The following NRXN1 variants were observed in gnomAD, a reference collection of about 807,000 sequenced individuals.
NRXN1 encodes the protein neurexin-1.
NRXN1 carries 39 observed loss-of-function variants against 150.9 expected under a neutral mutation model. The observed-to-expected ratio is 0.26, with a 90% confidence interval of 0.20 to 0.34. The LOEUF (loss-of-function observed/expected upper bound fraction) is 0.34, where lower values mean the gene tolerates loss of function less well. Ranked by LOEUF, NRXN1 falls within the 10% of genes least tolerant of loss-of-function variation. NRXN1 has a pLI of 1.00. For synonymous variants in NRXN1, 924 were observed against 757.0 expected, an observed-to-expected ratio of 1.22 and a Z score of -3.62; for missense variants, 1,815 against 1,949.9, an observed-to-expected ratio of 0.93 and a Z score of 1.30.
chr2:50,596,863 CT>C (rs3053104), intron 8 of NRXN1, among the ~76,000 whole-genome samples: 924 of 92,150 alleles, frequency 0.01, 3 homozygotes, highest in South Asian at 0.043. Flanking sequence ...ATTCCTAGGA[CT>C]TTTTTTTTTT....
intron 9 of NRXN1, among the ~76,000 whole-genome samples, chr2:50,549,889 T>C (rs942053844): frequency 6.6e-6 from 1 of 152,146 alleles, no homozygotes; most frequent in South Asian, 2.1e-4. Flanking sequence ...GTGTGGCATG[T>C]ATGTACATAT....
At chr2:50,541,040 C>T (rs1038417012) in intron 9 of NRXN1, among the ~76,000 whole-genome samples, 8 of 152,092 alleles carry the variant, frequency 5.3e-5, no homozygotes, top group South Asian at 2.1e-4. Flanking sequence ...TCCTAAAAGC[C>T]GTAGAATTTT....
chr2:50,743,114 T>A (rs1421460635), intron 5 of NRXN1, among the ~76,000 whole-genome samples: 1 of 152,202 alleles, frequency 6.6e-6, no homozygotes. Context: ...TAAATATTTT[T>A]AAAGGATTTG....
intron 2 of NRXN1, among the ~76,000 whole-genome samples, chr2:50,961,980 A>G (rs1693269613): frequency 1.3e-5 from 2 of 151,626 alleles, no homozygotes; most frequent in African/African-American, 4.8e-5. Context: ...AAAAAGAAGA[A>G]GAAAAATTTA....
At chr2:50,994,530 T>C (rs1698996460) in intron 2 of NRXN1, among the ~76,000 whole-genome samples, 1 of 151,900 alleles carries the variant, frequency 6.6e-6, no homozygotes, top group South Asian at 2.1e-4. Context: ...AGGATCTAGG[T>C]TTATATCTAG....
rs10522429 is a variant in NRXN1, at chr2:50,408,837, A to ATCTCTCTCTCTCTCTCTCTCTCTCTC, written c.3364+56579_3364+56604dup. Among the ~76,000 whole-genome samples the ATCTCTCTCTCTCTCTCTCTCTCTCTC allele has an allele frequency of 5.6e-4, 76 of 136,630 alleles. 3 individuals carry two copies. Among genetic ancestry groups the ATCTCTCTCTCTCTCTCTCTCTCTCTC allele is most frequent in the Non-Finnish European group, 9.0e-4 (56 of 62,056 alleles). 89.6% of individuals were successfully genotyped at this position (136,630 alleles called of 152,430 possible). A position where few individuals can be genotyped will look rare whatever the true frequency, so the allele number is the denominator to read the frequency against. On this transcript the variant is annotated intron_variant, in intron 17 of 22. Transcript: ENST00000401669. ...TCAAGAGTTGGGTGAATCAATCTCA[A>ATCTCTCTCTCTCTCTCTCTCTCTCTC]TCTCTCTCTCTCTCTCTCTCTCTCT...
At chr2:50,413,459 T>C (rs2083327668) in intron 17 of NRXN1, among the ~76,000 whole-genome samples, 2 of 152,028 alleles carry the variant, frequency 1.3e-5, no homozygotes, top group South Asian at 2.1e-4. Flanking sequence ...ATGGGAGAAA[T>C]GCCAATCAAA....
At chr2:50,683,858 C>T (rs1249697349) in intron 5 of NRXN1, among the ~76,000 whole-genome samples, 6 of 150,352 alleles carry the variant, frequency 4.0e-5, no homozygotes, top group Non-Finnish European at 5.9e-5. Context: ...TAACAAGGTA[C>T]GATGTGTGTA....
intron 8 of NRXN1, among the ~76,000 whole-genome samples, chr2:50,612,955 C>A (rs1678434519): frequency 6.6e-6 from 1 of 152,174 alleles, no homozygotes; most frequent in Non-Finnish European, 1.5e-5. Context: ...AGTACTGACA[C>A]TATTACAGTA....
chr2:50,294,421 AAAT>A (rs1334005175), intron 17 of NRXN1, among the ~76,000 whole-genome samples: 25 of 152,344 alleles, frequency 1.6e-4, no homozygotes, highest in African/African-American at 6.0e-4. Context: ...TCTGTTATAA[AAAT>A]AAAATAAATC....
chr2:50,271,801 T>C (rs926108436), intron 17 of NRXN1, among the ~76,000 whole-genome samples: 1 of 152,178 alleles, frequency 6.6e-6, no homozygotes, highest in Non-Finnish European at 1.5e-5. Flanking sequence ...TAATGGTACT[T>C]TCCTTTTCCT....
At chr2:50,842,101 T>A (rs1320010060) in intron 5 of NRXN1, among the ~76,000 whole-genome samples, 1 of 152,224 alleles carries the variant, frequency 6.6e-6, no homozygotes, top group African/African-American at 2.4e-5. Context: ...GTACCCAGCA[T>A]CTTTCTGGGC....
intron 5 of NRXN1, among the ~76,000 whole-genome samples, chr2:50,660,475 T>C (rs1180097243): frequency 6.6e-6 from 1 of 152,030 alleles, no homozygotes; most frequent in African/African-American, 2.4e-5. Context: ...AAGAAATCTT[T>C]GCAAGTCAGT....
At chr2:50,031,247 C>A (rs994515008) in intron 21 of NRXN1, among the ~76,000 whole-genome samples, 2 of 152,010 alleles carry the variant, frequency 1.3e-5, no homozygotes, top group African/African-American at 2.4e-5. Context: ...TGGAAGGAAT[C>A]TTTTGCTCAA....
intron 18 of NRXN1, among the ~76,000 whole-genome samples, chr2:50,197,971 ATC>A (rs2061887503): frequency 6.6e-6 from 1 of 152,108 alleles, no homozygotes; most frequent in Non-Finnish European, 1.5e-5. Flanking sequence ...GTAAAGTCAA[ATC>A]TCTTGTCTTT....
intron 5 of NRXN1, among the ~76,000 whole-genome samples, chr2:50,727,651 G>A (rs1048870248): frequency 6.6e-6 from 1 of 151,896 alleles, no homozygotes; most frequent in East Asian, 1.9e-4. Context: ...TAACATAATG[G>A]GAAAATTAAA....
At chr2:50,919,635 T>G (rs1174049033) in intron 5 of NRXN1, 1 of 151,698 alleles carries the variant, frequency 6.6e-6, no homozygotes, top group African/African-American at 2.4e-5. Flanking sequence ...TTAGGAAACA[T>G]AAGTTTACAC....
At chr2:50,528,540 C>G (rs2093017383) in intron 12 of NRXN1, 85 bp downstream of exon 12, 1 of 777,882 alleles carries the variant, frequency 1.3e-6, no homozygotes, top group East Asian at 2.8e-5. Flanking sequence ...AAACACATTT[C>G]TCTTGCTCTC....
chr2:50,729,335 C>T (rs1697791121), intron 5 of NRXN1, among the ~76,000 whole-genome samples: 1 of 152,186 alleles, frequency 6.6e-6, no homozygotes, highest in South Asian at 2.1e-4. Flanking sequence ...ATTTGATCCA[C>T]AGAGCATTTT....
Sources: allele counts gnomAD v4.1 joint callset (sites outside exome capture counted in the v4.1 genomes callset), GRCh38; gene constraint gnomAD v4.1.1; transcripts MANE v1.5; gene names NCBI Gene and HGNC (gene_info 2026-07-23, HGNC 2026-07-21).